WDR70: variants seen among roughly 807,000 people sequenced by gnomAD.
The protein encoded by WDR70 is WD repeat-containing protein 70.
In WDR70, 53 loss-of-function variants were observed where a neutral mutation model predicts 88.6. The observed-to-expected ratio is 0.60, with a 90% CI of 0.48 to 0.75. The LOEUF is 0.75. WDR70 is among the 30% of genes least tolerant of loss of function. The pLI, the probability that WDR70 is intolerant of heterozygous loss-of-function variation, is 0.00. For synonymous variants in WDR70, 280 were observed against 270.0 expected (o/e 1.04, Z -0.36); for missense variants, 610 against 823.2 (o/e 0.74, Z 3.17).
At chr5:37,533,814 C>T (rs1184297911) in intron 9 of WDR70, among the ~76,000 whole-genome samples, 1 of 152,116 alleles carries the variant, frequency 6.6e-6, no homozygotes, top group Non-Finnish European at 1.5e-5. Flanking sequence ...GACCTGTCTC[C>T]ACTCCCATGC....
In WDR70 at chr5:37,665,349, G is replaced by C. The variant is rs554683229; in HGVS notation, c.1093-32306G>C. Among the ~76,000 whole-genome samples, 6 of 152,246 alleles carry C rather than the reference G, an allele frequency of 3.9e-5. No homozygotes were observed. In the East Asian group the frequency reaches 1.2e-3, roughly 29 times the overall value. On this transcript the variant is annotated intron_variant, in intron 10 of 17. Transcript: ENST00000265107. Reference sequence around the variant, plus strand: ...TACAGAACTGCTCTGCATCCCCTTTGTACCTGCAGCTGATAACACTCACTA... The same window carrying C: ...TACAGAACTGCTCTGCATCCCCTTTCTACCTGCAGCTGATAACACTCACTA...
chr5:37,597,663 G>A (rs529429781), intron 9 of WDR70, among the ~76,000 whole-genome samples: 2 of 152,284 alleles, frequency 1.3e-5, no homozygotes, highest in Admixed American at 6.5e-5. Flanking sequence ...CTTTCACCAT[G>A]TGATCTCTTT....
intron 8 of WDR70, among the ~76,000 whole-genome samples, chr5:37,511,414 T>C (rs1740715751): frequency 6.6e-6 from 1 of 152,170 alleles, no homozygotes; most frequent in Admixed American, 6.5e-5. Context: ...CCTTTTAACA[T>C]GTCTCCATCA....
intron 8 of WDR70, among the ~76,000 whole-genome samples, chr5:37,497,421 C>CCT (rs1740259287): frequency 1.4e-5 from 2 of 139,258 alleles, no homozygotes; most frequent in Non-Finnish European, 3.1e-5. Context: ...CCTCCCCTTC[C>CCT]CTTCCCTCTT....
At chr5:37,431,156 A>C (rs1468113779) in intron 5 of WDR70, among the ~76,000 whole-genome samples, 1 of 152,182 alleles carries the variant, frequency 6.6e-6, no homozygotes, top group Non-Finnish European at 1.5e-5. Context: ...GCCTGGCCAT[A>C]TATATTTAAA....
At chr5:37,514,365 T>C (rs1222163213) in intron 8 of WDR70, among the ~76,000 whole-genome samples, 13 of 35,320 alleles carry the variant, frequency 3.7e-4, no homozygotes, top group African/African-American at 6.4e-4. Flanking sequence ...TATATGTATG[T>C]ATGTATGTTT....
intron 10 of WDR70, among the ~76,000 whole-genome samples, chr5:37,629,770 T>C (rs1744761908): frequency 1.3e-5 from 2 of 152,228 alleles, no homozygotes; most frequent in African/African-American, 4.8e-5. Flanking sequence ...TTTTCTGGCA[T>C]TGCATGTATT....
intron 5 of WDR70, among the ~76,000 whole-genome samples, chr5:37,437,403 G>A (rs1371678254): frequency 2.6e-5 from 4 of 152,026 alleles, no homozygotes; most frequent in Admixed American, 2.0e-4. Flanking sequence ...AATTTTTGAT[G>A]TTGAAAGGAC....
intron 5 of WDR70, among the ~76,000 whole-genome samples, chr5:37,401,164 ATTTTTTTT>A (rs559450523): frequency 1.6e-4 from 11 of 69,122 alleles, no homozygotes; most frequent in Non-Finnish European, 1.8e-4. Flanking sequence ...ACACCTAGCT[ATTTTTTTT>A]TTTTTTTTTT....
At chr5:37,495,591 T>G (rs1413478700) in intron 8 of WDR70, among the ~76,000 whole-genome samples, 1 of 152,206 alleles carries the variant, frequency 6.6e-6, no homozygotes, top group South Asian at 2.1e-4. Flanking sequence ...GCTTAATTCT[T>G]TCTTCTAGGC....
At chr5:37,463,213 A>G (rs1387548617) in intron 7 of WDR70, among the ~76,000 whole-genome samples, 5 of 152,060 alleles carry the variant, frequency 3.3e-5, no homozygotes, top group Non-Finnish European at 2.9e-5. Context: ...TGGTGGTTGC[A>G]GTGAGCTGAG....
chr5:37,380,222 GTCT>G (rs1254220107), intron 2 of WDR70, among the ~76,000 whole-genome samples: 3 of 152,232 alleles, frequency 2.0e-5, no homozygotes, highest in African/African-American at 7.2e-5. Context: ...TTTTCTCAAG[GTCT>G]TCTTGTTTTC....
chr5:37,598,680 T>G (rs1743771725), intron 9 of WDR70, among the ~76,000 whole-genome samples: 1 of 152,182 alleles, frequency 6.6e-6, no homozygotes, highest in Non-Finnish European at 1.5e-5. Context: ...GTTCTCTGAG[T>G]CTATGCCTAA....
intron 17 of WDR70, among the ~76,000 whole-genome samples, chr5:37,731,129 C>T (rs531551379): frequency 6.6e-6 from 1 of 152,094 alleles, no homozygotes; most frequent in East Asian, 1.9e-4. Context: ...ATTTATACTC[C>T]CTTATTTGTT....
chr5:37,584,997 C>CT (rs34031872), intron 9 of WDR70, among the ~76,000 whole-genome samples: 59,448 of 142,128 alleles, frequency 0.42, 13,951 homozygotes, highest in Non-Finnish European at 0.54. Flanking sequence ...TCTTTGTCCA[C>CT]TTTTTTTTTT....
intron 5 of WDR70, among the ~76,000 whole-genome samples, chr5:37,426,261 G>A (rs1394371383): frequency 6.6e-6 from 1 of 152,196 alleles, no homozygotes; most frequent in African/African-American, 2.4e-5. Flanking sequence ...GAAGTAAAAT[G>A]AGAAGCATCT....
intron 8 of WDR70, among the ~76,000 whole-genome samples, chr5:37,513,441 G>A (rs373833342): frequency 1.3e-5 from 2 of 152,336 alleles, no homozygotes; most frequent in East Asian, 3.9e-4. Context: ...GAAGTGGCTG[G>A]TATGTGCTGG....
At chr5:37,410,247 A>G (rs1241504765) in intron 5 of WDR70, among the ~76,000 whole-genome samples, 2 of 141,110 alleles carry the variant, frequency 1.4e-5, no homozygotes, top group Non-Finnish European at 3.0e-5. Flanking sequence ...CCATGTTGCC[A>G]AGGCTGGTCT....
rs1412859826 is a variant in WDR70 at position 37,663,396 on chromosome 5, C to T, written c.1093-34259C>T. On this transcript the variant is annotated intron_variant, in intron 10 of 17. Coordinates refer to ENST00000265107, the MANE Select transcript of WDR70 (RefSeq NM_018034.4). ...ATTTTCTGTTTTCTACTCGACTATCCCAGTAATATGATTTCCTTGCTTCCT... is the reference window on the plus strand; with the variant it reads ...ATTTTCTGTTTTCTACTCGACTATCTCAGTAATATGATTTCCTTGCTTCCT... Among the ~76,000 whole-genome samples, 5 of 152,140 alleles carry T rather than the reference C, an allele frequency of 3.3e-5. No individual in the cohort carries two copies. In the South Asian group the frequency reaches 6.2e-4, roughly 19 times the overall value.
Sources: gnomAD v4.1 joint callset for allele counts (sites outside exome capture counted in the v4.1 genomes callset) on GRCh38, gnomAD v4.1.1 for gene constraint, MANE v1.5 for transcripts, NCBI Gene and HGNC (gene_info 2026-07-23, HGNC 2026-07-21) for gene names.